STX18: variants seen among roughly 807,000 people sequenced by gnomAD.
The protein encoded by STX18 is syntaxin 18.
Under a neutral mutation model 50.1 loss-of-function variants are expected in STX18, and 40 were observed. The ratio of observed to expected loss-of-function variants is 0.80; its 90% CI spans 0.62 to 1.04. The LOEUF is 1.04. Among genes scored for constraint, STX18 ranks in the 50% least tolerant of loss-of-function variants. The pLI, the probability that STX18 is intolerant of heterozygous loss-of-function variation, is 0.00. For missense variants in STX18, 410 were observed against 415.8 expected, an observed-to-expected ratio of 0.99 and a Z score of 0.12; for synonymous variants, 158 against 151.8, an observed-to-expected ratio of 1.04 and a Z score of -0.30.
Position 4,420,618 on chromosome 4 carries a change from C to T in STX18, c.912+246G>A, listed in dbSNP as rs958796543. 4 of 520,596 alleles carry T rather than the reference C, an allele frequency of 7.7e-6. No individual in the cohort carries two copies. The highest frequency in any genetic ancestry group is 1.0e-5 in the Non-Finnish European group (3 of 294,228). The allele number at this position is 520,596 out of a possible 1,614,324, so 32.2% of individuals were successfully genotyped here. On this transcript the variant is annotated intron_variant, in intron 10 of 10. Transcript: ENST00000306200. The surrounding 1 kb of genome is among the most constrained non-coding windows in gnomAD (Gnocchi z 4.3). ...AGCTGGCCTGACCCTGCCAGGAGTA[C>T]CCCCACCCACCCTGGATTGCTCCTT...
chr4:4,514,648 G>A (rs1014553010), intron 1 of STX18, among the ~76,000 whole-genome samples: 1 of 152,086 alleles, frequency 6.6e-6, no homozygotes, highest in South Asian at 2.1e-4. Flanking sequence ...TCTTTGATCC[G>A]AAGGAGCTTA....
rs561327667 is a variant in STX18 at position 4,423,503 on chromosome 4, T to C, written c.831+15A>G. ...TGAGTGAAAACATACAGCTCCTTTG[T>C]TTTTGTTTTTTTACCTGTTGCAAAA... On this transcript the variant is annotated intron_variant, in intron 9 of 10. Transcript: ENST00000306200. 1.2e-6 allele frequency: 2 copies of C among 1,613,660 alleles called. No individual in the cohort carries two copies. The highest frequency in any genetic ancestry group is 2.7e-5 in the African/African-American group (2 of 74,990).
At chr4:4,536,165 T>C (rs568444211) in intron 1 of STX18, among the ~76,000 whole-genome samples, 7 of 152,356 alleles carry the variant, frequency 4.6e-5, no homozygotes, top group African/African-American at 1.4e-4. Context: ...ATGTGCATCA[T>C]GTAATATTCA....
At chr4:4,436,862 T>C (rs1444303094) in intron 6 of STX18, among the ~76,000 whole-genome samples, 1 of 152,202 alleles carries the variant, frequency 6.6e-6, no homozygotes, top group Non-Finnish European at 1.5e-5. Context: ...ATCTCCAGGC[T>C]TTCTGGCCTC....
chr4:4,438,025 C>A (rs899160528), intron 6 of STX18, among the ~76,000 whole-genome samples: 1 of 152,222 alleles, frequency 6.6e-6, no homozygotes, highest in Non-Finnish European at 1.5e-5. Flanking sequence ...ACACTCTACC[C>A]GGATGCAGGC....
intron 7 of STX18, among the ~76,000 whole-genome samples, chr4:4,430,974 G>C (rs954566691): frequency 3.3e-5 from 5 of 152,166 alleles, no homozygotes; most frequent in African/African-American, 1.2e-4. Flanking sequence ...CAGGATGAGA[G>C]CATCAGGTGA....
At chr4:4,519,204 T>G (rs1265286689) in intron 1 of STX18, among the ~76,000 whole-genome samples, 1 of 152,234 alleles carries the variant, frequency 6.6e-6, no homozygotes. Flanking sequence ...GACAGTTTAC[T>G]CAATATGCTT....
intron 1 of STX18, among the ~76,000 whole-genome samples, chr4:4,485,083 G>C (rs1728643846): frequency 6.6e-6 from 1 of 152,216 alleles, no homozygotes; most frequent in Non-Finnish European, 1.5e-5. Context: ...ATACTGCAAA[G>C]GATGAAACCA....
intron 1 of STX18, among the ~76,000 whole-genome samples, chr4:4,478,404 A>G (rs532021803): frequency 5.9e-5 from 9 of 152,276 alleles, no homozygotes; most frequent in African/African-American, 2.2e-4. Context: ...TGGCAGTACA[A>G]CGGTGACCAG....
At position 4,474,804 on chromosome 4, in the gene STX18, GAACACGGTCCTGCC is replaced by G. The variant is rs1297682244; in HGVS notation, c.169-3112_169-3099del. Among the ~76,000 whole-genome samples, 9 of 152,322 alleles carry G rather than the reference GAACACGGTCCTGCC, an allele frequency of 5.9e-5. No homozygotes were observed. The South Asian group carries it at 1.7e-3, about 28-fold the overall frequency. On this transcript the variant is annotated intron_variant, in intron 1 of 10. Transcript: ENST00000306200. ...GGCCTTCCTTAGAGCCTCCAGAAAA[GAACACGGTCCTGCC>G]AACACCTTGATTTTAGCTCAGGGAG...
At chr4:4,470,519 T>A (rs565892689) in intron 2 of STX18, among the ~76,000 whole-genome samples, 1 of 152,178 alleles carries the variant, frequency 6.6e-6, no homozygotes, top group Non-Finnish European at 1.5e-5. Context: ...CCTCATGACA[T>A]GTACAGCCTG....
At chr4:4,489,439 G>T (rs1242045393) in intron 1 of STX18, among the ~76,000 whole-genome samples, 1 of 92,540 alleles carries the variant, frequency 1.1e-5, no homozygotes, top group Non-Finnish European at 2.0e-5. Flanking sequence ...TGGTAGAGAC[G>T]AGGTCTTGCC....
chr4:4,461,076 C>T (rs1345484424), intron 2 of STX18, among the ~76,000 whole-genome samples: 1 of 152,214 alleles, frequency 6.6e-6, no homozygotes, highest in Admixed American at 6.5e-5. Context: ...GTTCCAAGAA[C>T]ATTCGATTAA....
intron 1 of STX18, among the ~76,000 whole-genome samples, chr4:4,490,875 G>C (rs1159619416): frequency 6.6e-6 from 1 of 151,920 alleles, no homozygotes; most frequent in Non-Finnish European, 1.5e-5. Flanking sequence ...ATTTGCTTTT[G>C]CATGTTTATT....
intron 2 of STX18, among the ~76,000 whole-genome samples, chr4:4,463,631 T>C (rs182446305): frequency 2.0e-5 from 3 of 152,340 alleles, no homozygotes; most frequent in Admixed American, 2.0e-4. Context: ...ACTTGTCAGA[T>C]ACTAAAGAAA....
intron 1 of STX18, among the ~76,000 whole-genome samples, chr4:4,481,948 CCT>C (rs920188966): frequency 3.9e-5 from 6 of 152,128 alleles, no homozygotes; most frequent in African/African-American, 1.4e-4. Flanking sequence ...GTAAGCAACT[CCT>C]GTCACTTTCC....
At chr4:4,538,014 A>C (rs1731419815) in intron 1 of STX18, among the ~76,000 whole-genome samples, 1 of 152,092 alleles carries the variant, frequency 6.6e-6, no homozygotes. Flanking sequence ...TATGACCTCA[A>C]CTGCTACGAC....
Position 4,420,968 on chromosome 4 carries a change from A to G in STX18, c.832-24T>C. The G allele has an allele frequency of 6.2e-7, 1 of 1,610,836 alleles. No individual in the cohort carries two copies. The highest frequency in any genetic ancestry group is 8.5e-7 in the Non-Finnish European group (1 of 1,177,312). ...TCCTGTGGAAGAAAAGATAAATACAAGTTGAGTATCCTTTATCCAAAAACC... is the reference window on the plus strand; with the variant it reads ...TCCTGTGGAAGAAAAGATAAATACAGGTTGAGTATCCTTTATCCAAAAACC... On this transcript the variant is annotated intron_variant, in intron 9 of 10. Coordinates refer to ENST00000306200, the MANE Select transcript of STX18 (RefSeq NM_016930.4). This position sits in a 1 kb window ranked among gnomAD's most constrained non-coding sequence, Gnocchi z 4.3.
chr4:4,448,091 C>A (rs1726527970), intron 5 of STX18, among the ~76,000 whole-genome samples: 3 of 152,136 alleles, frequency 2.0e-5, no homozygotes, highest in Non-Finnish European at 4.4e-5. Flanking sequence ...CCAAAGGCTA[C>A]TCGAGTGGTA....
Sources: allele counts gnomAD v4.1 joint callset (sites outside exome capture counted in the v4.1 genomes callset), GRCh38; gene constraint gnomAD v4.1.1; non-coding constraint Gnocchi (gnomAD v3.1); transcripts MANE v1.5; gene names NCBI Gene and HGNC (gene_info 2026-07-23, HGNC 2026-07-21).